CTNNA3: variants seen among roughly 807,000 people sequenced by gnomAD.
The protein encoded by CTNNA3 is catenin alpha-3.
Under a neutral mutation model 95.7 loss-of-function variants are expected in CTNNA3, and 76 were observed. The ratio of observed to expected loss-of-function variants is 0.79; its 90% confidence interval spans 0.66 to 0.96. The LOEUF is 0.96. Ranked by LOEUF, CTNNA3 falls within the 40% of genes least tolerant of loss-of-function variation. The pLI is 0.00. For missense variants in CTNNA3, 1,191 were observed against 1,089.8 expected, an observed-to-expected ratio of 1.09 and a Z score of -1.31; for synonymous variants, 431 against 374.4, an observed-to-expected ratio of 1.15 and a Z score of -1.74.
chr10:66,220,542 G>A (rs772371215), intron 13 of CTNNA3, among the ~76,000 whole-genome samples: 10 of 152,222 alleles, frequency 6.6e-5, no homozygotes, highest in Admixed American at 2.0e-4. Flanking sequence ...GTCTACGGAC[G>A]GCTTAAGTAT....
At chr10:67,028,360 G>A (rs1853516021) in intron 7 of CTNNA3, among the ~76,000 whole-genome samples, 1 of 152,018 alleles carries the variant, frequency 6.6e-6, no homozygotes, top group Non-Finnish European at 1.5e-5. Flanking sequence ...TAGATTTGGA[G>A]AGTACCTATC....
At position 66,487,181 on chromosome 10, in the gene CTNNA3, A is replaced by ATTTTT. The variant is rs60547696; in HGVS notation, c.1531+33431_1531+33435dup. ...TACTTGAAATTTAATAAAAGGGCAG[A>ATTTTT]TTTTTTTTTTTTTTTTTTTTTTTTT... On this transcript the variant is annotated intron_variant, in intron 11 of 17. Transcript: ENST00000433211. Among the ~76,000 whole-genome samples the ATTTTT allele has an allele frequency of 1.1e-3, 52 of 45,984 alleles. 10 individuals carry two copies. Among genetic ancestry groups the ATTTTT allele is most frequent in the African/African-American group, 4.0e-3 (44 of 11,112 alleles). The allele number at this position is 45,984 out of a possible 152,430, so 30.2% of individuals were successfully genotyped here. A position where few individuals can be genotyped will look rare whatever the true frequency, so the allele number is the denominator to read the frequency against.
intron 7 of CTNNA3, among the ~76,000 whole-genome samples, chr10:66,814,851 C>CTTTTT (rs71035183): frequency 8.7e-6 from 1 of 114,980 alleles, no homozygotes; most frequent in African/African-American, 3.2e-5. Flanking sequence ...AGTTAGCATT[C>CTTTTT]TTTTTTTTTT....
intron 5 of CTNNA3, among the ~76,000 whole-genome samples, chr10:67,381,527 A>C (rs892977803): frequency 6.6e-6 from 1 of 152,204 alleles, no homozygotes; most frequent in East Asian, 1.9e-4. Context: ...TCCAATAAAA[A>C]TTTAAGGAGG....
At chr10:67,063,947 C>T (rs1271759633) in intron 7 of CTNNA3, among the ~76,000 whole-genome samples, 1 of 152,160 alleles carries the variant, frequency 6.6e-6, no homozygotes, top group Non-Finnish European at 1.5e-5. Context: ...CACACACACT[C>T]GTCAGCTAAT....
At chr10:66,677,716 T>C (rs1371860074) in intron 9 of CTNNA3, among the ~76,000 whole-genome samples, 1 of 152,204 alleles carries the variant, frequency 6.6e-6, no homozygotes, top group Non-Finnish European at 1.5e-5. Flanking sequence ...GCCATGATTA[T>C]AAGCCTCCCC....
At chr10:67,414,857 C>T (rs1156345633) in intron 5 of CTNNA3, among the ~76,000 whole-genome samples, 1 of 152,186 alleles carries the variant, frequency 6.6e-6, no homozygotes, top group Non-Finnish European at 1.5e-5. Flanking sequence ...GCGTTTGTTG[C>T]ACATGTTGCA....
intron 13 of CTNNA3, among the ~76,000 whole-genome samples, chr10:66,207,279 C>T (rs1467558122): frequency 6.6e-6 from 1 of 151,762 alleles, no homozygotes; most frequent in African/African-American, 2.4e-5. Context: ...AATTGGGTAA[C>T]ATTCTTAAAA....
chr10:67,157,620 A>C (rs1296355622), intron 7 of CTNNA3, among the ~76,000 whole-genome samples: 2 of 152,196 alleles, frequency 1.3e-5, no homozygotes, highest in African/African-American at 4.8e-5. Context: ...ATGATGAACT[A>C]AATGTGCCAG....
intron 6 of CTNNA3, among the ~76,000 whole-genome samples, chr10:67,189,359 C>G (rs1389964782): frequency 6.6e-6 from 1 of 151,902 alleles, no homozygotes; most frequent in Non-Finnish European, 1.5e-5. Context: ...TCAAAAGATT[C>G]AAAATTTTAC....
chr10:67,044,508 A>G (rs906292271), intron 7 of CTNNA3, among the ~76,000 whole-genome samples: 7 of 152,178 alleles, frequency 4.6e-5, no homozygotes, highest in Admixed American at 3.3e-4. Context: ...TTTTGATGCT[A>G]TCTGGAAAGT....
chr10:66,423,343 T>G (rs191414791), intron 11 of CTNNA3, among the ~76,000 whole-genome samples: 10 of 152,236 alleles, frequency 6.6e-5, no homozygotes, highest in Non-Finnish European at 1.5e-4. Context: ...TCGTATTTAG[T>G]CTTAAAATAA....
chr10:66,110,029 TC>T, intron 13 of CTNNA3, among the ~76,000 whole-genome samples: 1 of 152,230 alleles, frequency 6.6e-6, no homozygotes, highest in South Asian at 2.1e-4. Context: ...AACAAATCTA[TC>T]TCTTCACTCA....
chr10:67,690,518 CA>C (rs1379735145), intron 1 of CTNNA3, among the ~76,000 whole-genome samples: 1 of 152,122 alleles, frequency 6.6e-6, no homozygotes, highest in African/African-American at 2.4e-5. Flanking sequence ...TCTGTTTTTA[CA>C]GAGTCCTGAT....
chr10:66,574,182 C>T (rs1054910785), intron 10 of CTNNA3, among the ~76,000 whole-genome samples: 2 of 151,804 alleles, frequency 1.3e-5, no homozygotes, highest in Admixed American at 1.3e-4. Context: ...CTCAGAAATG[C>T]CGTCATAATA....
chr10:66,478,237 C>T (rs1839394037), intron 11 of CTNNA3, among the ~76,000 whole-genome samples: 2 of 151,884 alleles, frequency 1.3e-5, no homozygotes, highest in African/African-American at 4.8e-5. Context: ...AATAATGGAC[C>T]TGAATCTTAA....
intron 5 of CTNNA3, among the ~76,000 whole-genome samples, chr10:67,322,577 T>G (rs1841368307): frequency 6.6e-6 from 1 of 152,238 alleles, no homozygotes; most frequent in Admixed American, 6.5e-5. Context: ...AGATGCATAG[T>G]ATTCCATAGT....
chr10:66,833,655 T>TAAA (rs1213105018), intron 7 of CTNNA3, among the ~76,000 whole-genome samples: 4 of 152,324 alleles, frequency 2.6e-5, no homozygotes, highest in Non-Finnish European at 4.4e-5. Context: ...CCAACACTTT[T>TAAA]ATGTTATTTC....
At chr10:66,315,690 C>T (rs1053029943) in intron 12 of CTNNA3, among the ~76,000 whole-genome samples, 7 of 151,950 alleles carry the variant, frequency 4.6e-5, no homozygotes, top group African/African-American at 1.7e-4. Flanking sequence ...TGATAAAAGG[C>T]AATATGTTAA....
Sources: gnomAD v4.1 joint callset for allele counts (sites outside exome capture counted in the v4.1 genomes callset) on GRCh38, gnomAD v4.1.1 for gene constraint, MANE v1.5 for transcripts, NCBI Gene and HGNC (gene_info 2026-07-23, HGNC 2026-07-21) for gene names.